Variants in UST observed in about 807,000 individuals in gnomAD.
UST encodes the protein chondroitin sulfate 2-O-sulfotransferase.
UST carries 21 observed loss-of-function variants against 45.6 expected under a neutral mutation model. The observed-to-expected ratio is 0.46, with a 90% CI of 0.33 to 0.66. UST has a LOEUF of 0.66. Among genes scored for constraint, UST ranks in the 30% least tolerant of loss-of-function variants. The pLI is 0.02. For synonymous variants in UST, 215 were observed against 200.6 expected (o/e 1.07, Z -0.61); for missense variants, 463 against 512.4 (o/e 0.90, Z 0.93).
At chr6:148,946,469 C>T (rs922994703) in intron 3 of UST, among the ~76,000 whole-genome samples, 2 of 143,160 alleles carry the variant, frequency 1.4e-5, no homozygotes, top group African/African-American at 2.6e-5. Context: ...CGAAGTTGCA[C>T]GACTGCACTC....
Position 149,043,058 on chromosome 6 carries a change from TTTCC to T in UST, c.937+21581_937+21584del, listed in dbSNP as rs1347511862. Among the ~76,000 whole-genome samples the T allele has an allele frequency of 2.1e-3, 320 of 150,640 alleles. 1 individual carries two copies. Among genetic ancestry groups the T allele is most frequent in the African/African-American group, 7.5e-3 (304 of 40,756 alleles). ...CTTTCTTTCTTTCCTTCTTTCCTTC[TTTCC>T]TTCTTTCTTTCTTTCTTTCTTTTTC... On this transcript the variant is annotated intron_variant, in intron 7 of 7. Transcript: ENST00000367463.
intron 1 of UST, among the ~76,000 whole-genome samples, chr6:148,863,580 C>G (rs778888178): frequency 6.6e-6 from 1 of 152,300 alleles, no homozygotes; most frequent in Non-Finnish European, 1.5e-5. Context: ...AGAAGAGGCA[C>G]TCTATTTTTA....
chr6:148,928,600 G>T (rs6902673), intron 2 of UST, among the ~76,000 whole-genome samples: 1,854 of 152,290 alleles, frequency 0.012, 36 homozygotes, highest in African/African-American at 0.041. Flanking sequence ...ACAGATGAAA[G>T]CAAAAACCAG....
chr6:148,964,832 A>G (rs1780751144), intron 5 of UST: 1 of 482,210 alleles, frequency 2.1e-6, no homozygotes, highest in African/African-American at 1.9e-5. Context: ...CAGAGCGTTA[A>G]CAGTCTTTCC....
intron 1 of UST, among the ~76,000 whole-genome samples, chr6:148,877,902 A>G (rs1470953992): frequency 9.8e-5 from 6 of 61,468 alleles, no homozygotes; most frequent in East Asian, 5.3e-4. Flanking sequence ...TTGGGGGGTC[A>G]TGTACGAGTG....
chr6:148,962,754 A>G (rs545066715), intron 4 of UST, among the ~76,000 whole-genome samples: 1 of 152,324 alleles, frequency 6.6e-6, no homozygotes, highest in African/African-American at 2.4e-5. Flanking sequence ...TGTCATTCAT[A>G]TGTCCTGGTG....
chr6:148,795,680 G>T (rs979351660), intron 1 of UST, among the ~76,000 whole-genome samples: 1 of 152,074 alleles, frequency 6.6e-6, no homozygotes, highest in African/African-American at 2.4e-5. Flanking sequence ...GTAGTCCATG[G>T]TTTGTTCTGC....
At chr6:148,993,377 T>G (rs1195306098) in intron 5 of UST, among the ~76,000 whole-genome samples, 1 of 110,168 alleles carries the variant, frequency 9.1e-6, no homozygotes, top group Non-Finnish European at 2.1e-5. Context: ...TTACTCTTTT[T>G]GAAAAAAAAA....
At chr6:148,939,394 C>G (rs1780082830) in intron 2 of UST, among the ~76,000 whole-genome samples, 1 of 152,118 alleles carries the variant, frequency 6.6e-6, no homozygotes. Context: ...TAGCCAAAAA[C>G]AATCTTGAAA....
At chr6:149,031,327 GA>G (rs1300771177) in intron 7 of UST, among the ~76,000 whole-genome samples, 1 of 152,090 alleles carries the variant, frequency 6.6e-6, no homozygotes, top group Non-Finnish European at 1.5e-5. Flanking sequence ...AAACACTTGT[GA>G]TTTTTTTTAG....
intron 1 of UST, among the ~76,000 whole-genome samples, chr6:148,844,519 A>T (rs1025271858): frequency 6.6e-6 from 1 of 152,246 alleles, no homozygotes; most frequent in Non-Finnish European, 1.5e-5. Flanking sequence ...AAGATGTAGA[A>T]CATGTCCACT....
chr6:148,800,709 A>G (rs1777041442), intron 1 of UST, among the ~76,000 whole-genome samples: 3 of 152,030 alleles, frequency 2.0e-5, no homozygotes, highest in Admixed American at 1.3e-4. Context: ...TTGGCACAGA[A>G]TGCAGCCTCC....
At chr6:148,841,124 G>A (rs1317969662) in intron 1 of UST, among the ~76,000 whole-genome samples, 2 of 144,612 alleles carry the variant, frequency 1.4e-5, no homozygotes, top group African/African-American at 2.6e-5. Flanking sequence ...TAAAAAAAAA[G>A]ACTAGTAAGA....
chr6:148,997,570 C>T (rs146546596), intron 5 of UST, among the ~76,000 whole-genome samples: 43,629 of 151,618 alleles, frequency 0.29, 6,383 homozygotes, highest in African/African-American at 0.36. Flanking sequence ...TATGCAGGTA[C>T]ATCTTAGGAT....
intron 1 of UST, among the ~76,000 whole-genome samples, chr6:148,872,109 G>T (rs1284447522): frequency 1.3e-5 from 2 of 152,186 alleles, no homozygotes; most frequent in African/African-American, 4.8e-5. Context: ...AACAAAGCTT[G>T]AGAGAAAATC....
intron 5 of UST, among the ~76,000 whole-genome samples, chr6:148,988,079 T>G (rs1340349221): frequency 2.6e-5 from 4 of 151,836 alleles, no homozygotes; most frequent in Non-Finnish European, 5.9e-5. Flanking sequence ...AGGTGTTACC[T>G]CAGTTGAGTC....
chr6:149,049,624 A>G (rs542810577), intron 7 of UST, among the ~76,000 whole-genome samples: 3 of 152,338 alleles, frequency 2.0e-5, no homozygotes, highest in African/African-American at 7.2e-5. Flanking sequence ...AGGAGAGCCC[A>G]CTGGCTTACT....
chr6:148,875,752 C>T (rs1445837640), intron 1 of UST, among the ~76,000 whole-genome samples: 1 of 152,184 alleles, frequency 6.6e-6, no homozygotes, highest in Non-Finnish European at 1.5e-5. Context: ...TGCAGTCAGC[C>T]GAGATCGCAC....
At chr6:148,797,823 C>T (rs576181313) in intron 1 of UST, among the ~76,000 whole-genome samples, 2 of 152,214 alleles carry the variant, frequency 1.3e-5, no homozygotes, top group African/African-American at 2.4e-5. Context: ...TTGAGAACAC[C>T]ATTCAACATG....
Sources: allele counts gnomAD v4.1 joint callset (sites outside exome capture counted in the v4.1 genomes callset), GRCh38; gene constraint gnomAD v4.1.1; transcripts MANE v1.5; gene names NCBI Gene and HGNC (gene_info 2026-07-23, HGNC 2026-07-21).